SLC45A4: variants seen among roughly 807,000 people sequenced by gnomAD.
SLC45A4 encodes polyamine-transporter SLC45A4.
Under a neutral mutation model 63.7 loss-of-function variants are expected in SLC45A4, and 32 were observed. That is an observed-to-expected ratio of 0.50 (90% CI 0.38 to 0.67). SLC45A4 has a LOEUF of 0.67. SLC45A4 is among the 30% of genes least tolerant of loss of function. The pLI is 0.00. For synonymous variants in SLC45A4, 535 were observed against 510.0 expected, an observed-to-expected ratio of 1.05 and a Z score of -0.66; for missense variants, 1,027 against 1,157.7, an observed-to-expected ratio of 0.89 and a Z score of 1.64.
intron 1 of SLC45A4, among the ~76,000 whole-genome samples, chr8:141,294,954 G>A (rs186821652): frequency 2.6e-5 from 4 of 152,374 alleles, no homozygotes; most frequent in Non-Finnish European, 5.9e-5. Flanking sequence ...GAACTGGCAG[G>A]TAATGGAGCA....
In SLC45A4 at chr8:141,210,933, C is replaced by T. The variant is rs13724; in HGVS notation, c.*639G>A. 70,717 of 152,756 alleles carry T rather than the reference C, an allele frequency of 0.46. 16,769 individuals carry two copies. Among genetic ancestry groups the T allele is most frequent in the East Asian group, 0.63 (3,267 of 5,186 alleles). The allele number at this position is 152,756 out of a possible 1,614,324, so 9.5% of individuals were successfully genotyped here. On this transcript the variant is annotated 3_prime_UTR_variant, in exon 9 of 9. Transcript: ENST00000517878. The stretch of plus-strand genomic sequence containing the variant: ...AGTACTTGCCCGAGTTTTGCTTATT[C>T]GTTGAAACCAGAACGACTGTGCGGA...
At chr8:141,239,626 T>G (rs1827806716) in intron 2 of SLC45A4, among the ~76,000 whole-genome samples, 1 of 151,632 alleles carries the variant, frequency 6.6e-6, no homozygotes, top group Non-Finnish European at 1.5e-5. Context: ...CATCATGAGG[T>G]GCATTTTCAC....
Position 141,282,506 on chromosome 8 carries a change from G to A in SLC45A4, c.-401+25590C>T, listed in dbSNP as rs116505279. On this transcript the variant is annotated intron_variant, in intron 1 of 8. Transcript: ENST00000517878. The stretch of plus-strand genomic sequence containing the variant: ...TCCAGGCCGCCGCTCAGGGCACGCC[G>A]CCTCCATCGCTGCCCTCTCTCCAGG... Among the ~76,000 whole-genome samples, 334 of 152,270 alleles carry A rather than the reference G, an allele frequency of 2.2e-3. 2 individuals are homozygous for A. The highest frequency in any genetic ancestry group is 2.0e-3 in the African/African-American group (84 of 41,556).
At chr8:141,245,806 A>C (rs1028779924) in intron 2 of SLC45A4, among the ~76,000 whole-genome samples, 1 of 152,124 alleles carries the variant, frequency 6.6e-6, no homozygotes, top group Non-Finnish European at 1.5e-5. Context: ...GTCACCACTA[A>C]CTTCTGAAGA....
intron 3 of SLC45A4, among the ~76,000 whole-genome samples, chr8:141,220,893 C>T (rs973200693): frequency 1.3e-5 from 2 of 152,234 alleles, no homozygotes; most frequent in African/African-American, 2.4e-5. Flanking sequence ...GCCCAGCAGG[C>T]GCCAGGGCAG....
intron 2 of SLC45A4, among the ~76,000 whole-genome samples, chr8:141,243,501 C>T (rs570525360): frequency 6.6e-6 from 1 of 152,248 alleles, no homozygotes; most frequent in Admixed American, 6.5e-5. Flanking sequence ...AAATACAGGC[C>T]GGGTGCAGTG....
At chr8:141,298,278 A>G (rs1399594404) in intron 1 of SLC45A4, among the ~76,000 whole-genome samples, 1 of 152,270 alleles carries the variant, frequency 6.6e-6, no homozygotes, top group Non-Finnish European at 1.5e-5. Flanking sequence ...TTTTAAGAAG[A>G]ACATTCTGTT....
At chr8:141,249,958 G>A (rs574729975) in intron 2 of SLC45A4, among the ~76,000 whole-genome samples, 1 of 152,130 alleles carries the variant, frequency 6.6e-6, no homozygotes, top group South Asian at 2.1e-4. Context: ...ACAGACCAGG[G>A]CTTACAGTTT....
At chr8:141,253,654 C>T (rs1004762359) in intron 2 of SLC45A4, among the ~76,000 whole-genome samples, 2 of 152,210 alleles carry the variant, frequency 1.3e-5, no homozygotes, top group African/African-American at 2.4e-5. Flanking sequence ...CCCTTTGCCT[C>T]GTTGTTCACT....
intron 1 of SLC45A4, among the ~76,000 whole-genome samples, chr8:141,293,522 G>A (rs1830432594): frequency 6.6e-6 from 1 of 152,236 alleles, no homozygotes; most frequent in African/African-American, 2.4e-5. Flanking sequence ...AATCCGCAAA[G>A]TTCCACTGAA....
intron 1 of SLC45A4, among the ~76,000 whole-genome samples, chr8:141,279,468 C>T (rs1268194614): frequency 6.6e-6 from 1 of 152,286 alleles, no homozygotes; most frequent in African/African-American, 2.4e-5. Context: ...ACGTCTGTCA[C>T]TTGCTCTTTC....
intron 2 of SLC45A4, chr8:141,228,339 T>G: frequency 6.3e-7 from 1 of 1,588,314 alleles, no homozygotes; most frequent in Non-Finnish European, 8.6e-7. Flanking sequence ...TTTCTCCTCT[T>G]CAACAAGGAG....
At chr8:141,263,781 A>AAT (rs572078047) in intron 1 of SLC45A4, among the ~76,000 whole-genome samples, 4,081 of 140,256 alleles carry the variant, frequency 0.029, 88 homozygotes, top group Middle Eastern at 0.047. Context: ...AAAAAAAAAA[A>AAT]AATAAAAATA....
chr8:141,240,772 C>T (rs970176405), intron 2 of SLC45A4, among the ~76,000 whole-genome samples: 1 of 152,302 alleles, frequency 6.6e-6, no homozygotes, highest in Non-Finnish European at 1.5e-5. Flanking sequence ...AATGAGAAAC[C>T]GGCTGCCCGA....
chr8:141,265,396 A>T (rs1246454032), intron 1 of SLC45A4, among the ~76,000 whole-genome samples: 2 of 152,190 alleles, frequency 1.3e-5, no homozygotes, highest in African/African-American at 2.4e-5. Context: ...GTGTGCAGGG[A>T]GGGGCTGGGT....
At chr8:141,275,624 A>G (rs1168557454) in intron 1 of SLC45A4, among the ~76,000 whole-genome samples, 1 of 152,066 alleles carries the variant, frequency 6.6e-6, no homozygotes, top group Non-Finnish European at 1.5e-5. Context: ...AAAAAAAACA[A>G]CAACAACCAT....
At chr8:141,244,795 G>T (rs1448382577) in intron 2 of SLC45A4, among the ~76,000 whole-genome samples, 8 of 152,122 alleles carry the variant, frequency 5.3e-5, no homozygotes, top group Non-Finnish European at 4.4e-5. Context: ...CACCGACGGG[G>T]CTCAGGACGG....
At position 141,217,195 on chromosome 8, in the gene SLC45A4, C is replaced by A. The variant is rs1418720817; in HGVS notation, c.1630-6G>T. On this transcript the variant is annotated splice_polypyrimidine_tract_variant and splice_region_variant and intron_variant, in intron 5 of 8. Transcript: ENST00000517878. ...GCGGTCGAGTTCGAGGGGGCCTGTT[C>A]CGGAAATGAGACGGGGGCTGACGAG... The A allele has an allele frequency of 6.2e-7, 1 of 1,613,372 alleles. No homozygotes were observed.
intron 2 of SLC45A4, among the ~76,000 whole-genome samples, chr8:141,249,469 G>C (rs534257834): frequency 1.3e-5 from 2 of 152,340 alleles, no homozygotes; most frequent in East Asian, 1.9e-4. Flanking sequence ...ACAAGAGCCA[G>C]ACCATACGCT....
Sources: allele counts gnomAD v4.1 joint callset (sites outside exome capture counted in the v4.1 genomes callset), GRCh38; gene constraint gnomAD v4.1.1; transcripts MANE v1.5; gene names NCBI Gene and HGNC (gene_info 2026-07-23, HGNC 2026-07-21).